Variants in NLRP14 observed in about 807,000 individuals in gnomAD.
NLRP14 encodes the protein NLR family pyrin domain containing 14.
A neutral mutation model predicts 94.7 loss-of-function variants in NLRP14; 105 were observed. The observed-to-expected ratio is 1.11, with a 90% CI of 0.95 to 1.30. The LOEUF is 1.30. Among genes scored for constraint, NLRP14 ranks in the 50% most tolerant of loss-of-function variants. The pLI, the probability that NLRP14 is intolerant of heterozygous loss-of-function variation, is 0.00. For synonymous variants in NLRP14, 508 were observed against 459.9 expected, an observed-to-expected ratio of 1.10 and a Z score of -1.34; for missense variants, 1,362 against 1,254.1, an observed-to-expected ratio of 1.09 and a Z score of -1.30.
chr11:7,039,399 C>G (rs548852916), intron 2 of NLRP14, among the ~76,000 whole-genome samples: 1 of 151,734 alleles, frequency 6.6e-6, no homozygotes, highest in Non-Finnish European at 1.5e-5. Context: ...TATCTATTAT[C>G]TCCTTTGCAC....
chr11:7,084,384 C>T, the NLRP14 span, among the ~76,000 whole-genome samples: 116,438 of 151,990 alleles, frequency 0.77, 46,574 homozygotes, highest in East Asian at 0.92. Flanking sequence ...TGACTCTTGG[C>T]GGGCTACTGG....
intron 8 of NLRP14, among the ~76,000 whole-genome samples, chr11:7,058,738 T>C (rs955457813): frequency 6.6e-6 from 1 of 151,930 alleles, no homozygotes; most frequent in African/African-American, 2.4e-5. Context: ...AGGGAGATAA[T>C]GCACCTTGCT....
downstream of NLRP14, among the ~76,000 whole-genome samples, chr11:7,076,182 G>A (rs879148335): frequency 6.6e-6 from 1 of 151,986 alleles, no homozygotes; most frequent in Non-Finnish European, 1.5e-5. Flanking sequence ...TATTTATCTT[G>A]GTTACTAAGT....
intron 10 of NLRP14, among the ~76,000 whole-genome samples, chr11:7,064,012 C>T (rs986764592): frequency 6.6e-6 from 1 of 152,092 alleles, no homozygotes; most frequent in Admixed American, 6.6e-5. Flanking sequence ...AAACATGTAA[C>T]TGAAAGGGGT....
intron 4 of NLRP14, among the ~76,000 whole-genome samples, chr11:7,045,313 A>T (rs907504279): frequency 6.6e-6 from 1 of 152,250 alleles, no homozygotes; most frequent in African/African-American, 2.4e-5. Flanking sequence ...TTTATGCCTA[A>T]TAGTAAATGC....
the NLRP14 span, chr11:7,089,347 G>A: frequency 6.2e-7 from 1 of 1,607,388 alleles, no homozygotes; most frequent in Non-Finnish European, 8.5e-7. Flanking sequence ...TCCCTGGATG[G>A]TAAGGCCATC....
chr11:7,063,362 C>T (rs35747450), intron 10 of NLRP14, among the ~76,000 whole-genome samples: 4,655 of 152,008 alleles, frequency 0.031, 139 homozygotes, highest in East Asian at 0.13. Flanking sequence ...CCTTTTGTCC[C>T]CCGAGTCTCA....
chr11:7,041,893 ATAT>A (rs1415468570), intron 3 of NLRP14, among the ~76,000 whole-genome samples: 1 of 152,062 alleles, frequency 6.6e-6, no homozygotes, highest in African/African-American at 2.4e-5. Context: ...TTTTTTCAAA[ATAT>A]TATTTAAGCT....
chr11:7,075,492 A>G (rs1852864232), downstream of NLRP14, among the ~76,000 whole-genome samples: 1 of 152,230 alleles, frequency 6.6e-6, no homozygotes, highest in East Asian at 1.9e-4. Flanking sequence ...AGGTAGTTTT[A>G]TAACATGATG....
intron 4 of NLRP14, among the ~76,000 whole-genome samples, chr11:7,044,488 G>C: frequency 6.6e-6 from 1 of 152,108 alleles, no homozygotes; most frequent in Non-Finnish European, 1.5e-5. Flanking sequence ...ACATTGGTTG[G>C]CCTTTGTTTT....
chr11:7,022,574 C>G (rs904634325), intron 1 of NLRP14, among the ~76,000 whole-genome samples: 8 of 152,160 alleles, frequency 5.3e-5, no homozygotes, highest in African/African-American at 1.9e-4. Context: ...CAACCTAAAA[C>G]TTGGTGGTTT....
At position 7,026,171 on chromosome 11, in the gene NLRP14, G is replaced by C. The variant is rs12421704; in HGVS notation, c.-22+5401G>C. ...TTGACAAATGGGATCTAATTAAACT[G>C]AAGAGCTTCTGCACAGCAAAAGAAA... On this transcript the variant is annotated intron_variant, in intron 1 of 11. Transcript: ENST00000299481. 7.5e-3 allele frequency among the ~76,000 whole-genome samples: 1,143 copies of C among 152,108 alleles called. 35 individuals carry two copies. In the East Asian group the frequency reaches 0.089, roughly 12 times the overall value.
At chr11:7,045,811 C>T (rs992513101) in intron 4 of NLRP14, among the ~76,000 whole-genome samples, 11 of 151,732 alleles carry the variant, frequency 7.2e-5, no homozygotes, top group Non-Finnish European at 1.3e-4. Flanking sequence ...TAGCATGAGA[C>T]ATTTGCTAAG....
At position 7,042,460 on chromosome 11, in the gene NLRP14, G is replaced by A. The variant is rs1852269457; in HGVS notation, c.434G>A (p.Gly145Glu). ...CITWDKKSLA[G>E]KPEDFHHGIA... is the part of the protein sequence containing the mutation. ...ACTTGGGACAAGAAGTCTTTGGCTG[G>A]AAAGCCTGAAGATTTCCATCATGGA... Residue 145 changes from glycine to glutamate, a missense_variant, in exon 4 of 12, where the codon GGA (glycine) becomes GAA (glutamate). By Grantham distance (98) the Gly-to-Glu change is moderately conservative. Coordinates refer to ENST00000299481, the MANE Select transcript of NLRP14 (RefSeq NM_176822.4). The A allele has an allele frequency of 3.1e-6, 5 of 1,613,878 alleles. No homozygotes were observed. The highest frequency in any genetic ancestry group is 4.2e-6 in the Non-Finnish European group (5 of 1,179,698).
chr11:7,047,673 C>T (rs1442177853), intron 5 of NLRP14, among the ~76,000 whole-genome samples: 1 of 151,942 alleles, frequency 6.6e-6, no homozygotes, highest in Non-Finnish European at 1.5e-5. Flanking sequence ...ATCTCTGTCA[C>T]CAGAGTTCAG....
chr11:7,033,997 T>C (rs1852129802), intron 1 of NLRP14, among the ~76,000 whole-genome samples: 1 of 152,154 alleles, frequency 6.6e-6, no homozygotes, highest in Non-Finnish European at 1.5e-5. Context: ...TGGGAGAGTG[T>C]TTGTCAGGTT....
At chr11:7,061,640 A>T (rs1565025132) in intron 9 of NLRP14, among the ~76,000 whole-genome samples, 1 of 152,120 alleles carries the variant, frequency 6.6e-6, no homozygotes, top group Non-Finnish European at 1.5e-5. Flanking sequence ...ATACGTTGTT[A>T]TAAGGATATG....
intron 8 of NLRP14, 91 bp from the exon 9 acceptor site, chr11:7,059,802 TA>T (rs1256828904): frequency 3.6e-6 from 4 of 1,117,998 alleles, no homozygotes; most frequent in Non-Finnish European, 5.3e-6. Flanking sequence ...GGCAAATAGA[TA>T]AGGGATCAAA....
Position 7,039,657 on chromosome 11 carries a change from C to G in NLRP14, c.290-57C>G, listed in dbSNP as rs374420913. On this transcript the variant is annotated intron_variant, in intron 2 of 11. Transcript: ENST00000299481. The stretch of plus-strand genomic sequence containing the variant: ...GAATGCTGGCCTCTGTTCTAGCCAT[C>G]ATGAAAGCTCACTTTGTTTTCATTA... 4.8e-4 allele frequency: 648 copies of G among 1,357,664 alleles called. 2 individuals carry two copies. Among genetic ancestry groups the G allele is most frequent in the Non-Finnish European group, 6.5e-4 (619 of 945,514 alleles). The allele number at this position is 1,357,664 out of a possible 1,614,324, so 84.1% of individuals were successfully genotyped here.
Sources: allele counts gnomAD v4.1 joint callset (sites outside exome capture counted in the v4.1 genomes callset), GRCh38; gene constraint gnomAD v4.1.1; transcripts MANE v1.5; gene names NCBI Gene and HGNC (gene_info 2026-07-23, HGNC 2026-07-21).